Variants in EPB41L2 observed in about 807,000 individuals in gnomAD.
EPB41L2 encodes erythrocyte membrane protein band 4.1 like 2.
EPB41L2 carries 43 observed loss-of-function variants against 113.0 expected under a neutral mutation model. That is an observed-to-expected ratio of 0.38 (90% CI 0.30 to 0.49). The LOEUF (loss-of-function observed/expected upper bound fraction) is 0.49. Ranked by LOEUF, EPB41L2 falls within the 20% of genes least tolerant of loss-of-function variation. EPB41L2 has a pLI of 0.95. For missense variants in EPB41L2, 1,147 were observed against 1,223.4 expected (o/e 0.94, Z 0.93); for synonymous variants, 442 against 436.7 (o/e 1.01, Z -0.15).
At chr6:130,916,996 C>A (rs1801310167) in intron 4 of EPB41L2, among the ~76,000 whole-genome samples, 1 of 152,220 alleles carries the variant, frequency 6.6e-6, no homozygotes, top group African/African-American at 2.4e-5. Context: ...GCAGAAAGCC[C>A]TGGCAGGGCA....
At chr6:131,053,164 G>C (rs1584802414) in intron 1 of EPB41L2, among the ~76,000 whole-genome samples, 3 of 151,972 alleles carry the variant, frequency 2.0e-5, no homozygotes, top group Admixed American at 2.0e-4. Flanking sequence ...CCAAAGTGCT[G>C]GGATTACAGG....
chr6:130,952,724 C>A (rs534940935), intron 3 of EPB41L2, among the ~76,000 whole-genome samples: 70 of 151,824 alleles, frequency 4.6e-4, no homozygotes, highest in African/African-American at 1.6e-3. Flanking sequence ...GCAGAAGAAT[C>A]GCTTGAACCA....
chr6:130,892,735 C>G (rs751668394), intron 10 of EPB41L2, among the ~76,000 whole-genome samples: 1 of 151,980 alleles, frequency 6.6e-6, no homozygotes, highest in Non-Finnish European at 1.5e-5. Context: ...AACTGTGATA[C>G]CAAACGAAGA....
At chr6:131,023,766 T>TATATATAC (rs1562754238) in intron 1 of EPB41L2, among the ~76,000 whole-genome samples, 49 of 131,770 alleles carry the variant, frequency 3.7e-4, no homozygotes, top group Non-Finnish European at 6.5e-4. Context: ...GATATATAGA[T>TATATATAC]ATATAGATAT....
rs1286220715 is a variant in EPB41L2 at position 131,002,074 on chromosome 6, A to C, written c.-14-45575T>G. ...CTAGATTTAGACTAAAGTCAAATGC[A>C]AATAAAGGTGAGTCTGAAGCCATGA... On this transcript the variant is annotated intron_variant, in intron 1 of 19. Transcript: ENST00000337057. Among the ~76,000 whole-genome samples, 3 of 152,240 alleles carry C rather than the reference A, an allele frequency of 2.0e-5. No homozygotes were observed. The East Asian group carries it at 5.8e-4, about 29-fold the overall frequency.
intron 18 of EPB41L2, among the ~76,000 whole-genome samples, chr6:130,859,844 C>CA (rs1360785196): frequency 1.3e-5 from 2 of 151,410 alleles, no homozygotes; most frequent in Non-Finnish European, 2.9e-5. Context: ...CACCAGGGAA[C>CA]AAACTCTTGT....
At chr6:130,951,310 T>G in intron 3 of EPB41L2, among the ~76,000 whole-genome samples, 1 of 126,184 alleles carries the variant, frequency 7.9e-6, no homozygotes, top group Non-Finnish European at 1.6e-5. Context: ...TCAGCCTCAG[T>G]ACTTTTTTTT....
At chr6:130,924,484 T>C (rs1803965873) in intron 4 of EPB41L2, among the ~76,000 whole-genome samples, 1 of 152,088 alleles carries the variant, frequency 6.6e-6, no homozygotes, top group Non-Finnish European at 1.5e-5. Context: ...GTTCAAACGA[T>C]TCTCCTGCCT....
intron 18 of EPB41L2, among the ~76,000 whole-genome samples, chr6:130,859,724 G>A (rs1484088397): frequency 1.4e-5 from 2 of 144,390 alleles, no homozygotes; most frequent in African/African-American, 2.6e-5. Context: ...CCTAAGCCTC[G>A]TTTCGTTTAA....
intron 10 of EPB41L2, among the ~76,000 whole-genome samples, chr6:130,891,030 T>C (rs1488977560): frequency 6.6e-6 from 1 of 152,216 alleles, no homozygotes; most frequent in Admixed American, 6.5e-5. Flanking sequence ...TTTCTTGATG[T>C]CAAATATTTC....
intron 1 of EPB41L2, among the ~76,000 whole-genome samples, chr6:130,998,922 A>T (rs1040788878): frequency 6.6e-6 from 1 of 152,108 alleles, no homozygotes; most frequent in Non-Finnish European, 1.5e-5. Flanking sequence ...TCTACCTCGA[A>T]TAGAGTCCTC....
At chr6:131,009,586 C>G (rs1381586006) in intron 1 of EPB41L2, among the ~76,000 whole-genome samples, 2 of 151,828 alleles carry the variant, frequency 1.3e-5, no homozygotes, top group East Asian at 3.9e-4. Context: ...ACTGGATGTT[C>G]CCATATTCCC....
intron 17 of EPB41L2, 127 bp from the exon 18 acceptor site, chr6:130,863,845 CAA>C (rs556348902): frequency 9.6e-4 from 553 of 578,558 alleles, no homozygotes; most frequent in Non-Finnish European, 1.6e-3. Flanking sequence ...CAACAAGCAG[CAA>C]AAGACTGATA....
chr6:130,885,168 T>C lies in EPB41L2; in HGVS notation c.1761A>G (p.Val587=). The C allele has an allele frequency of 3.1e-6, 5 of 1,614,170 alleles. No individual in the cohort carries two copies. Among genetic ancestry groups the C allele is most frequent in the Non-Finnish European group, 4.2e-6 (5 of 1,180,018 alleles). Residue 587 remains valine (V), a synonymous_variant, in exon 12 of 20, where the codon GTA becomes GTG. Transcript: ENST00000337057. The part of the protein sequence containing the change: ...YGPGLVSIAV[V]QDGDGRREVR... ...CTTCCCTCCTGCCGTCCCCATCTTG[T>C]ACCACGGCAATGCTGACAAGTCCAG...
intron 1 of EPB41L2, chr6:131,000,477 A>G (rs1439269030): frequency 1.3e-5 from 2 of 152,224 alleles, no homozygotes; most frequent in African/African-American, 2.4e-5. Context: ...AAAAATCCAA[A>G]TCTGAACCAT....
intron 1 of EPB41L2, among the ~76,000 whole-genome samples, chr6:130,956,988 T>C (rs912458888): frequency 6.6e-6 from 1 of 152,176 alleles, no homozygotes; most frequent in Non-Finnish European, 1.5e-5. Flanking sequence ...AAATGTTAGG[T>C]ATTAGAAAAA....
At chr6:130,948,434 G>C (rs1813677399) in intron 3 of EPB41L2, among the ~76,000 whole-genome samples, 1 of 152,148 alleles carries the variant, frequency 6.6e-6, no homozygotes, top group South Asian at 2.1e-4. Flanking sequence ...AGTAGGCATA[G>C]TGATTAGCAT....
At chr6:130,848,167 T>C (rs933331134) in intron 19 of EPB41L2, among the ~76,000 whole-genome samples, 2 of 118,538 alleles carry the variant, frequency 1.7e-5, no homozygotes, top group African/African-American at 3.1e-5. Context: ...CCCCTAACAG[T>C]CTCTGTCTCT....
At chr6:130,881,086 A>G (rs1331427816) in intron 12 of EPB41L2, 1 of 152,200 alleles carries the variant, frequency 6.6e-6, no homozygotes, top group African/African-American at 2.4e-5. Flanking sequence ...ATTTCTCAAT[A>G]TCTGATGATT....
Sources: gnomAD v4.1 joint callset for allele counts (sites outside exome capture counted in the v4.1 genomes callset) on GRCh38, gnomAD v4.1.1 for gene constraint, MANE v1.5 for transcripts, NCBI Gene and HGNC (gene_info 2026-07-23, HGNC 2026-07-21) for gene names.